The following ALPK1 variants were observed in gnomAD, a reference collection of about 807,000 sequenced individuals.
ALPK1 encodes the protein alpha-protein kinase 1.
ALPK1 carries 110 observed loss-of-function variants against 120.6 expected under a neutral mutation model. The ratio of observed to expected loss-of-function variants is 0.91; its 90% CI spans 0.78 to 1.07. The LOEUF (loss-of-function observed/expected upper bound fraction) is 1.07. Among genes scored for constraint, ALPK1 ranks in the 50% least tolerant of loss-of-function variants. The pLI, the probability that ALPK1 is intolerant of heterozygous loss-of-function variation, is 0.00. For missense variants in ALPK1, 1,498 were observed against 1,483.9 expected (o/e 1.01, Z -0.16); for synonymous variants, 582 against 560.3 (o/e 1.04, Z -0.55).
chr4:112,334,795 T>A (rs1320208328), intron 2 of ALPK1, among the ~76,000 whole-genome samples: 1 of 152,232 alleles, frequency 6.6e-6, no homozygotes, highest in East Asian at 1.9e-4. Flanking sequence ...ATCTAATTAT[T>A]CTGCTGGAAG....
At chr4:112,377,997 T>TGGGA in intron 3 of ALPK1, 99 bp downstream of exon 3, 1 of 1,198,382 alleles carries the variant, frequency 8.3e-7, no homozygotes, top group Admixed American at 3.4e-5. Flanking sequence ...ATTTTTCTTC[T>TGGGA]CTTGGCAGAT....
At chr4:112,357,692 T>C in intron 2 of ALPK1, 1 of 1,587,958 alleles carries the variant, frequency 6.3e-7, no homozygotes, top group Non-Finnish European at 8.6e-7. Context: ...GGAGCCCAGT[T>C]GAGCTCCGCG....
chr4:112,331,218 A>G (rs999409052), intron 2 of ALPK1, among the ~76,000 whole-genome samples: 13 of 152,208 alleles, frequency 8.5e-5, no homozygotes, highest in Non-Finnish European at 4.4e-5. Flanking sequence ...TAGTGAGAGT[A>G]GGGAGACAGG....
intron 12 of ALPK1, among the ~76,000 whole-genome samples, chr4:112,437,488 C>T (rs915318906): frequency 6.6e-6 from 1 of 152,232 alleles, no homozygotes; most frequent in Non-Finnish European, 1.5e-5. Flanking sequence ...CCAGTACTCA[C>T]AGGTTCACTC....
At chr4:112,302,891 G>A (rs9995585) in intron 1 of ALPK1, among the ~76,000 whole-genome samples, 45,666 of 152,000 alleles carry the variant, frequency 0.3, 7,375 homozygotes, top group African/African-American at 0.4. Context: ...CCTGCAATCT[G>A]GCATTTGCCC....
chr4:112,432,560 A>C lies in ALPK1; in HGVS notation c.3013A>C (p.Ser1005Arg). ...RLENTGVFKP[S>R]QLHRAHSALL... Reference sequence around the variant, plus strand: ...AGAGAATACGGGGGTTTTTAAGCCCAGTCAACTCCACCGAGCACATAGTAA... The same window carrying C: ...AGAGAATACGGGGGTTTTTAAGCCCCGTCAACTCCACCGAGCACATAGTAA... The change falls in exon 11 of 16, where the codon AGT becomes CGT. Residue 1005 changes from serine (S) to arginine (R), a missense_variant. Ser to Arg is a moderately radical substitution (Grantham distance 110). Coordinates refer to ENST00000650871, the MANE Select transcript of ALPK1 (RefSeq NM_025144.4). 6.2e-7 allele frequency: 1 copy of C among 1,613,238 alleles called. No homozygotes were observed. Among genetic ancestry groups the C allele is most frequent in the South Asian group, 1.1e-5 (1 of 91,076 alleles).
chr4:112,304,110 T>C (rs1211052904), intron 1 of ALPK1, among the ~76,000 whole-genome samples: 1 of 152,222 alleles, frequency 6.6e-6, no homozygotes, highest in Non-Finnish European at 1.5e-5. Flanking sequence ...TAGTATTCCA[T>C]GGTGTATATG....
At position 112,431,648 on chromosome 4, in the gene ALPK1, G is replaced by A. The variant is rs749129372; in HGVS notation, c.2101G>A (p.Val701Ile). The change falls in exon 11 of 16, where the codon GTC becomes ATC. Residue 701 changes from valine (V) to isoleucine (I), a missense_variant. By Grantham distance (29) the Val-to-Ile change is conservative. Transcript: ENST00000650871. The part of the protein sequence containing the change: ...LEGAPEGIQE[V>I]RNMGPRNTSA... ...AGGAGCTCCAGAAGGTATCCAGGAA[G>A]TCAGAAATATGGGACCCAGAAATAC... 15 of 1,614,102 alleles carry A rather than the reference G, an allele frequency of 9.3e-6. 1 individual carries two copies. The Admixed American group carries it at 1.8e-4, about 20-fold the overall frequency.
chr4:112,393,353 G>T (rs1732508399), intron 4 of ALPK1, among the ~76,000 whole-genome samples: 1 of 152,112 alleles, frequency 6.6e-6, no homozygotes, highest in South Asian at 2.1e-4. Context: ...TAAATTTGGG[G>T]AGGGGGTGTG....
intron 4 of ALPK1, chr4:112,382,813 T>A (rs779518919): frequency 1.3e-5 from 5 of 399,392 alleles, no homozygotes; most frequent in Non-Finnish European, 1.8e-5. Flanking sequence ...CTTGAAATAT[T>A]TACATATCCT....
chr4:112,313,595 T>C (rs1415699288), intron 1 of ALPK1, among the ~76,000 whole-genome samples: 2 of 152,116 alleles, frequency 1.3e-5, no homozygotes, highest in African/African-American at 4.8e-5. Flanking sequence ...TGGTGGCAAA[T>C]GCCTGTAATC....
chr4:112,307,932 G>C (rs1240462511), intron 1 of ALPK1, among the ~76,000 whole-genome samples: 2 of 152,010 alleles, frequency 1.3e-5, no homozygotes, highest in East Asian at 1.9e-4. Flanking sequence ...AGCTCTTTTA[G>C]GGAAGGCCTG....
intron 2 of ALPK1, among the ~76,000 whole-genome samples, chr4:112,365,496 A>C (rs1409415180): frequency 6.6e-6 from 1 of 152,210 alleles, no homozygotes; most frequent in Non-Finnish European, 1.5e-5. Context: ...GAATATACCT[A>C]ACCAAGGAGG....
At chr4:112,337,810 A>G (rs1578477102) in intron 2 of ALPK1, among the ~76,000 whole-genome samples, 1 of 152,196 alleles carries the variant, frequency 6.6e-6, no homozygotes, top group Non-Finnish European at 1.5e-5. Flanking sequence ...TGGTCAAATA[A>G]TTTTTTCCTT....
At chr4:112,354,455 GTTTTGT>G (rs1314180432) in intron 2 of ALPK1, among the ~76,000 whole-genome samples, 4 of 151,766 alleles carry the variant, frequency 2.6e-5, no homozygotes, top group African/African-American at 4.8e-5. Context: ...ACTGTTTTTT[GTTTTGT>G]TTTTGTTTTT....
chr4:112,343,922 C>T (rs1319289651), intron 2 of ALPK1, among the ~76,000 whole-genome samples: 1 of 152,174 alleles, frequency 6.6e-6, no homozygotes, highest in Non-Finnish European at 1.5e-5. Context: ...TAATGTAAAT[C>T]CAGTTTACCT....
At chr4:112,359,774 C>T in intron 2 of ALPK1, 1 of 423,598 alleles carries the variant, frequency 2.4e-6, no homozygotes, top group Non-Finnish European at 4.7e-6. Flanking sequence ...ACACTGCCTC[C>T]AGGAAGCAGA....
chr4:112,385,247 G>A (rs1732102340), intron 4 of ALPK1, among the ~76,000 whole-genome samples: 1 of 152,206 alleles, frequency 6.6e-6, no homozygotes, highest in Non-Finnish European at 1.5e-5. Context: ...TTTAATGTGA[G>A]TTGGGAGAGA....
At position 112,377,802 on chromosome 4, in the gene ALPK1, G is replaced by A; in HGVS notation, c.25G>A (p.Val9Met). 6.2e-7 allele frequency: 1 copy of A among 1,612,718 alleles called. No individual in the cohort carries two copies. The highest frequency in any genetic ancestry group is 2.2e-5 in the East Asian group (1 of 44,824). Residue 9 changes from valine (V) to methionine (M), a missense_variant, in exon 3 of 16, where the codon GTG becomes ATG. Physicochemically the swap from Val to Met is conservative, Grantham distance 21. Transcript: ENST00000650871. MNNQKVVA[V>M]LLQECKQVLD... ...CATGAATAATCAAAAAGTGGTAGCT[G>A]TGCTACTGCAAGAGTGCAAGCAAGT...
Sources: allele counts gnomAD v4.1 joint callset (sites outside exome capture counted in the v4.1 genomes callset), GRCh38; gene constraint gnomAD v4.1.1; transcripts MANE v1.5; gene names NCBI Gene and HGNC (gene_info 2026-07-23, HGNC 2026-07-21).